Variants in PCDHGB2 observed in about 807,000 individuals in gnomAD.
The protein encoded by PCDHGB2 is protocadherin gamma subfamily B, 2.
In PCDHGB2, 55 loss-of-function variants were observed where a neutral mutation model predicts 59.3. The observed-to-expected ratio is 0.93, with a 90% CI of 0.75 to 1.16. The LOEUF is 1.16. Ranked by LOEUF, PCDHGB2 falls within the 50% of genes most tolerant of loss-of-function variation. The pLI, the probability that PCDHGB2 is intolerant of heterozygous loss-of-function variation, is 0.00. For synonymous variants in PCDHGB2, 516 were observed against 512.0 expected, an observed-to-expected ratio of 1.01 and a Z score of -0.11; for missense variants, 1,228 against 1,198.5, an observed-to-expected ratio of 1.02 and a Z score of -0.36.
chr5:141,489,477 G>C lies in PCDHGB2; in HGVS notation c.2422-5330G>C, dbSNP rs2154581232. 1.9e-6 allele frequency: 3 copies of C among 1,614,108 alleles called. No homozygotes were observed. Among genetic ancestry groups the C allele is most frequent in the Non-Finnish European group, 2.5e-6 (3 of 1,180,034 alleles). ...ATGGGCGCTATTTTTCCCTGAGCTT[G>C]ATGAGTGGTGCCCTGGCAGTGAATC... is the stretch of plus-strand genomic sequence containing the variant. On this transcript the variant is annotated intron_variant, in intron 1 of 3. Coordinates refer to ENST00000522605, the MANE Select transcript of PCDHGB2 (RefSeq NM_018923.3). This position sits in a 1 kb window ranked among gnomAD's most constrained non-coding sequence, Gnocchi z 4.5.
intron 1 of PCDHGB2, chr5:141,372,601 T>A: frequency 7.4e-6 from 12 of 1,614,028 alleles, no homozygotes; most frequent in Non-Finnish European, 1.0e-5. Context: ...TTCAAGACTG[T>A]ACCTGGAGTT....
intron 1 of PCDHGB2, chr5:141,412,079 T>C (rs148830663): frequency 3.3e-4 from 50 of 152,342 alleles, no homozygotes; most frequent in African/African-American, 1.1e-3. Context: ...GAACAATTGC[T>C]ACTGGGTTGA....
At chr5:141,389,332 G>A in intron 1 of PCDHGB2, 2 of 1,613,980 alleles carry the variant, frequency 1.2e-6, no homozygotes, top group Non-Finnish European at 8.5e-7. Context: ...GGGCCCAACG[G>A]CCAAGTCTCT....
rs760709557 is a variant in PCDHGB2, at chr5:141,384,156, C to T, written c.2421+21600C>T. The T allele has an allele frequency of 1.6e-5, 26 of 1,613,342 alleles. No homozygotes were observed. The Admixed American group carries it at 4.2e-4, about 26-fold the overall frequency. ...ACCGGGAAACACTCTCTTTGTATAA[C>T]ATCACACTGAAAGCCACAGATGGTG... On this transcript the variant is annotated intron_variant, in intron 1 of 3. Transcript: ENST00000522605.
rs1301787934 is a variant in PCDHGB2 at position 141,476,164 on chromosome 5, A to G, written c.2422-18643A>G. Reference sequence around the variant, plus strand: ...GCGGACTGGTAAGCACCGGGAGGGTAGTGGGAGTTTTGCTTCTGCTTGGTG... The same window carrying G: ...GCGGACTGGTAAGCACCGGGAGGGTGGTGGGAGTTTTGCTTCTGCTTGGTG... On this transcript the variant is annotated intron_variant, in intron 1 of 3. Transcript: ENST00000522605. This position sits in a 1 kb window ranked among gnomAD's most constrained non-coding sequence, Gnocchi z 7.6. 6.2e-7 allele frequency: 1 copy of G among 1,613,116 alleles called. No individual in the cohort carries two copies.
chr5:141,478,148 C>T lies in PCDHGB2; in HGVS notation c.2422-16659C>T, dbSNP rs752958567. ...CTCTCCTGAAGCCCGAGCCGAGTTC[C>T]CCTCTGGCTCTGCCCCCCGGGAGCA... On this transcript the variant is annotated intron_variant, in intron 1 of 3. Coordinates refer to ENST00000522605, the MANE Select transcript of PCDHGB2 (RefSeq NM_018923.3). 3.1e-6 allele frequency: 5 copies of T among 1,613,948 alleles called. No homozygotes were observed. The highest frequency in any genetic ancestry group is 1.6e-4 in the Middle Eastern group (1 of 6,082).
chr5:141,411,921 T>C (rs1426892834), intron 1 of PCDHGB2: 1 of 152,234 alleles, frequency 6.6e-6, no homozygotes, highest in Non-Finnish European at 1.5e-5. Context: ...TCAGTCTCTG[T>C]CTCTGATTCT....
chr5:141,488,748 T>C (rs2099679003), intron 1 of PCDHGB2, among the ~76,000 whole-genome samples: 1 of 152,270 alleles, frequency 6.6e-6, no homozygotes, highest in African/African-American at 2.4e-5. Flanking sequence ...ATGCAGGAAG[T>C]TGCTGGGACA....
intron 1 of PCDHGB2, chr5:141,394,082 G>C: frequency 6.2e-7 from 1 of 1,613,830 alleles, no homozygotes; most frequent in Non-Finnish European, 8.5e-7. Flanking sequence ...TCACAGTGAT[G>C]GCCTCAGATC....
chr5:141,448,896 G>C (rs560617459), intron 1 of PCDHGB2, among the ~76,000 whole-genome samples: 5 of 152,302 alleles, frequency 3.3e-5, no homozygotes, highest in African/African-American at 1.2e-4. Context: ...AGTGAGCCGA[G>C]ATCGTGCCAC....
chr5:141,485,980 G>C lies in PCDHGB2; in HGVS notation c.2422-8827G>C, dbSNP rs151239937. 1 of 1,614,020 alleles carries C rather than the reference G, an allele frequency of 6.2e-7. No individual in the cohort carries two copies. The highest frequency in any genetic ancestry group is 1.3e-5 in the African/African-American group (1 of 74,914). The stretch of plus-strand genomic sequence containing the variant: ...TCATCCAGCTCAATGCCTCAGACCC[G>C]GACCTGGGTCCCAGTGGTAACGTCA... On this transcript the variant is annotated intron_variant, in intron 1 of 3. Transcript: ENST00000522605. The surrounding 1 kb of genome is among the most constrained non-coding windows in gnomAD (Gnocchi z 5.7).
chr5:141,494,977 T>C, intron 2 of PCDHGB2, 112 bp downstream of exon 2: 1 of 1,574,332 alleles, frequency 6.4e-7, no homozygotes, highest in East Asian at 2.3e-5. Context: ...TCTCCCTCAG[T>C]TTGAGATCCC....
intron 1 of PCDHGB2, chr5:141,375,127 T>C (rs368439130): frequency 2.5e-6 from 4 of 1,613,808 alleles, no homozygotes; most frequent in African/African-American, 1.3e-5. Flanking sequence ...CAGAAGTGGT[T>C]GTTACATCTG....
At chr5:141,510,879 G>T in intron 3 of PCDHGB2, 68 bp from the exon 4 acceptor site, 1 of 1,611,520 alleles carries the variant, frequency 6.2e-7, no homozygotes, top group Non-Finnish European at 8.5e-7. Flanking sequence ...TAACTGCTGG[G>T]GATATAAGAC....
At chr5:141,387,976 A>G (rs1406804687) in intron 1 of PCDHGB2, 2 of 1,490,180 alleles carry the variant, frequency 1.3e-6, no homozygotes, top group South Asian at 2.6e-5. Context: ...GCGCTCTGTG[A>G]GCAGATCCGC....
intron 1 of PCDHGB2, among the ~76,000 whole-genome samples, chr5:141,483,618 C>T (rs1441906179): frequency 6.6e-6 from 1 of 151,536 alleles, no homozygotes; most frequent in Non-Finnish European, 1.5e-5. Flanking sequence ...TCCATCATTC[C>T]CATGGGAGAA....
intron 1 of PCDHGB2, chr5:141,423,979 G>A: frequency 9.0e-7 from 1 of 1,115,484 alleles, no homozygotes. Flanking sequence ...CAGTGTATGA[G>A]GCTCTCAATT....
At chr5:141,393,592 G>C in intron 1 of PCDHGB2, 1 of 1,613,908 alleles carries the variant, frequency 6.2e-7, no homozygotes, top group Non-Finnish European at 8.5e-7. Context: ...CCAGGCACGC[G>C]GCTGCTTACT....
intron 1 of PCDHGB2, chr5:141,399,413 C>A (rs1456440098): frequency 1.2e-6 from 2 of 1,613,930 alleles, no homozygotes; most frequent in African/African-American, 1.3e-5. Context: ...CCGCCCCTCT[C>A]CTCCAGCATA....
Sources: gnomAD v4.1 joint callset for allele counts (sites outside exome capture counted in the v4.1 genomes callset) on GRCh38, gnomAD v4.1.1 for gene constraint, Gnocchi (gnomAD v3.1) non-coding constraint, MANE v1.5 for transcripts, NCBI Gene and HGNC (gene_info 2026-07-23, HGNC 2026-07-21) for gene names.